CYTH3: variants seen among roughly 807,000 people sequenced by gnomAD.
CYTH3 encodes cytohesin-3.
In CYTH3, 23 loss-of-function variants were observed where a neutral mutation model predicts 55.1. The observed-to-expected ratio is 0.42, with a 90% confidence interval of 0.30 to 0.59. The LOEUF (loss-of-function observed/expected upper bound fraction) is 0.59. Among genes scored for constraint, CYTH3 ranks in the 20% least tolerant of loss-of-function variants. The pLI is 0.20. For missense variants in CYTH3, 413 were observed against 524.8 expected (o/e 0.79, Z 2.08); for synonymous variants, 249 against 194.9 (o/e 1.28, Z -2.31).
chr7:6,193,603 A>G (rs572994823), intron 1 of CYTH3, among the ~76,000 whole-genome samples: 1 of 152,314 alleles, frequency 6.6e-6, no homozygotes, highest in African/African-American at 2.4e-5. Context: ...TTTACGTGAG[A>G]GAATCCCCAC....
At chr7:6,265,618 C>CAAAAAAA (rs111748997) in intron 1 of CYTH3, among the ~76,000 whole-genome samples, 1 of 109,906 alleles carries the variant, frequency 9.1e-6, no homozygotes. Context: ...GACTCCATTT[C>CAAAAAAA]AAAAAAAAAA....
intron 1 of CYTH3, among the ~76,000 whole-genome samples, chr7:6,210,511 T>C (rs1355379835): frequency 3.3e-5 from 5 of 152,264 alleles, no homozygotes; most frequent in East Asian, 1.9e-4. Context: ...ATCCTTTTCA[T>C]TGAAGTTTTT....
chr7:6,190,522 T>G lies in CYTH3; in HGVS notation c.44A>C (p.Asp15Ala). 1 of 1,513,104 alleles carries G rather than the reference T, an allele frequency of 6.6e-7. No homozygotes were observed. The highest frequency in any genetic ancestry group is 8.8e-7 in the Non-Finnish European group (1 of 1,139,882). 93.7% of individuals were successfully genotyped at this position (1,513,104 alleles called of 1,614,324 possible). Residue 15 changes from aspartate (D) to alanine (A), a missense_variant, in exon 2 of 13, where the codon GAC (aspartate) becomes GCC (alanine). By Grantham distance (126) the Asp-to-Ala change is moderately radical. This residue lies in a region of CYTH3 where 152 missense variants were observed against 148.1 expected (regional missense o/e 1.03). Transcript: ENST00000350796. The part of the protein sequence containing the change: ...GGGEGGGVPE[D>A]LSLEEREELL... ...TTCTTCTCTCTCTTCTAATGAGAGG[T>G]CTTCAGGCACTGAAAGAAGAAAAAA...
chr7:6,186,296 C>T (rs1004180604), intron 4 of CYTH3, among the ~76,000 whole-genome samples: 7 of 151,048 alleles, frequency 4.6e-5, no homozygotes, highest in South Asian at 2.1e-4. Flanking sequence ...ACAGGAGTGG[C>T]GTGAACCAGC....
At chr7:6,226,117 T>G (rs11976961) in intron 1 of CYTH3, among the ~76,000 whole-genome samples, 14,251 of 152,232 alleles carry the variant, frequency 0.094, 880 homozygotes, top group African/African-American at 0.16. Flanking sequence ...CATCAAGGAA[T>G]GTGTTTTTTA....
intron 1 of CYTH3, among the ~76,000 whole-genome samples, chr7:6,220,511 G>A (rs895510252): frequency 2.0e-5 from 3 of 147,498 alleles, no homozygotes; most frequent in Admixed American, 6.9e-5. Flanking sequence ...CTTTTGCTCT[G>A]CAAAGCATTA....
intron 1 of CYTH3, among the ~76,000 whole-genome samples, chr7:6,209,086 G>A (rs972284051): frequency 8.5e-5 from 13 of 152,212 alleles, no homozygotes; most frequent in African/African-American, 2.9e-4. Context: ...GCAACAGATA[G>A]AGAGGCAATG....
At chr7:6,265,447 T>C (rs1384822491) in intron 1 of CYTH3, among the ~76,000 whole-genome samples, 1 of 145,592 alleles carries the variant, frequency 6.9e-6, no homozygotes, top group Non-Finnish European at 1.5e-5. Context: ...CCGTATCTAT[T>C]AAAAAAAAAA....
At chr7:6,191,077 G>A (rs1013732152) in intron 1 of CYTH3, among the ~76,000 whole-genome samples, 3 of 149,940 alleles carry the variant, frequency 2.0e-5, no homozygotes, top group Non-Finnish European at 1.5e-5. Context: ...ATTCTGTTTC[G>A]GGAAAAAAAA....
At chr7:6,212,095 C>G (rs1450740761) in intron 1 of CYTH3, among the ~76,000 whole-genome samples, 3 of 152,210 alleles carry the variant, frequency 2.0e-5, no homozygotes, top group Admixed American at 2.0e-4. Context: ...TTCCCAGCCT[C>G]TGGTAACCAT....
chr7:6,210,664 C>T (rs569043494), intron 1 of CYTH3, among the ~76,000 whole-genome samples: 2 of 152,280 alleles, frequency 1.3e-5, no homozygotes, highest in Admixed American at 6.5e-5. Flanking sequence ...CCAAAAGAAA[C>T]CCCCAGTGCT....
intron 1 of CYTH3, among the ~76,000 whole-genome samples, chr7:6,251,555 CA>C (rs1179303376): frequency 6.6e-6 from 1 of 152,106 alleles, no homozygotes; most frequent in Non-Finnish European, 1.5e-5. Flanking sequence ...TGAAGGACCG[CA>C]AAATTCTCCG....
At chr7:6,255,060 AAC>A (rs936846767) in intron 1 of CYTH3, among the ~76,000 whole-genome samples, 16 of 152,352 alleles carry the variant, frequency 1.1e-4, no homozygotes, top group African/African-American at 3.8e-4. Flanking sequence ...ACTGATGACT[AAC>A]AGTTTTGAAT....
In CYTH3 at chr7:6,272,554, G is replaced by A. The variant is rs1780695776; in HGVS notation, c.-47C>T. ...GGCGAGCCGGGGGCCGGCAGCAGAG[G>A]GGCCGCGGGCTGGGGACGCCGCCGG... On this transcript the variant is annotated 5_prime_UTR_variant, in exon 1 of 13. Coordinates refer to ENST00000350796, the MANE Select transcript of CYTH3 (RefSeq NM_004227.4). The A allele has an allele frequency of 1.6e-6, 2 of 1,262,850 alleles. No homozygotes were observed. Among genetic ancestry groups the A allele is most frequent in the African/African-American group, 3.2e-5 (2 of 62,996 alleles). The allele number at this position is 1,262,850 out of a possible 1,614,324, so 78.2% of individuals were successfully genotyped here.
rs746185298 is a variant in CYTH3 at position 6,225,680 on chromosome 7, ATTT to A, written c.35-35152_35-35150del. On this transcript the variant is annotated intron_variant, in intron 1 of 12. Transcript: ENST00000350796. ...CTGAAAATATATATTTTTTTGAAGA[ATTT>A]TTTTTTTTTTTTGGAAATGGAGTTC... 3.2e-3 allele frequency among the ~76,000 whole-genome samples: 437 copies of A among 137,738 alleles called. 3 individuals carry two copies. The highest frequency in any genetic ancestry group is 0.011 in the African/African-American group (412 of 37,426). 90.4% of individuals were successfully genotyped at this position (137,738 alleles called of 152,430 possible). A position where few individuals can be genotyped will look rare whatever the true frequency, so the allele number is the denominator to read the frequency against.
chr7:6,236,580 G>A (rs190556221), intron 1 of CYTH3, among the ~76,000 whole-genome samples: 1 of 146,752 alleles, frequency 6.8e-6, no homozygotes, highest in East Asian at 2.1e-4. Flanking sequence ...TGTTTTTTAG[G>A]CAAATTCTCG....
At chr7:6,220,575 A>T (rs866387480) in intron 1 of CYTH3, among the ~76,000 whole-genome samples, 1 of 126,024 alleles carries the variant, frequency 7.9e-6, no homozygotes, top group African/African-American at 3.1e-5. Context: ...ATCCTGTCTC[A>T]AAAAAAAAAA....
intron 1 of CYTH3, among the ~76,000 whole-genome samples, chr7:6,229,821 G>GAA (rs1255742660): frequency 0.017 from 1,686 of 96,704 alleles, 30 homozygotes; most frequent in African/African-American, 0.06. Flanking sequence ...TGTCTCAAAA[G>GAA]AAAAAAAAAA....
chr7:6,225,151 A>C (rs375016310), intron 1 of CYTH3, among the ~76,000 whole-genome samples: 15 of 152,292 alleles, frequency 9.8e-5, no homozygotes, highest in African/African-American at 2.4e-4. Context: ...ACAAATTATT[A>C]ATCTATCATT....
Sources: allele counts gnomAD v4.1 joint callset (sites outside exome capture counted in the v4.1 genomes callset), GRCh38; gene constraint gnomAD v4.1.1; regional missense constraint gnomAD v4.1.1; transcripts MANE v1.5; gene names NCBI Gene and HGNC (gene_info 2026-07-23, HGNC 2026-07-21).